Variants in DAGLA observed in about 807,000 individuals in gnomAD.
The protein encoded by DAGLA is diacylglycerol lipase alpha, also known as diacylglycerol lipase-alpha.
In DAGLA, 22 loss-of-function variants were observed where a neutral mutation model predicts 102.6. The ratio of observed to expected loss-of-function variants is 0.21; its 90% CI spans 0.15 to 0.31. DAGLA has a LOEUF of 0.31. DAGLA is among the 10% of genes least tolerant of loss of function. The pLI is 1.00. For missense variants in DAGLA, 927 were observed against 1,446.6 expected (o/e 0.64, Z 5.83); for synonymous variants, 578 against 628.9 (o/e 0.92, Z 1.21).
chr11:61,700,477 C>T (rs1277689405), intron 1 of DAGLA, among the ~76,000 whole-genome samples: 1 of 152,206 alleles, frequency 6.6e-6, no homozygotes, highest in Non-Finnish European at 1.5e-5. Flanking sequence ...CTCCCCAACA[C>T]CTGCCCTCCT....
At chr11:61,721,026 T>C in intron 3 of DAGLA, 136 bp downstream of exon 3, 2 of 801,136 alleles carry the variant, frequency 2.5e-6, no homozygotes, top group African/African-American at 1.7e-5. Flanking sequence ...TAAGGCCTTC[T>C]GTAGCTTACA....
At position 61,744,492 on chromosome 11, in the gene DAGLA, C is replaced by T. The variant is rs369130213; in HGVS notation, c.*3C>T. Reference sequence around the variant, plus strand: ...AGCTGGTCATCTCAGCACGCTAGCACCCCAGTTGCGTGGCCAGCCGGGCCC... The same window carrying T: ...AGCTGGTCATCTCAGCACGCTAGCATCCCAGTTGCGTGGCCAGCCGGGCCC... On this transcript the variant is annotated 3_prime_UTR_variant, in exon 20 of 20. Transcript: ENST00000257215. The T allele has an allele frequency of 4.8e-4, 745 of 1,538,592 alleles. 1 individual carries two copies. Among genetic ancestry groups the T allele is most frequent in the Non-Finnish European group, 5.7e-4 (649 of 1,140,828 alleles).
rs985601621 is a variant in DAGLA, at chr11:61,746,933, A to G, written c.*2444A>G. 1.3e-5 allele frequency: 2 copies of G among 152,518 alleles called. No homozygotes were observed. The highest frequency in any genetic ancestry group is 2.1e-4 in the South Asian group (1 of 4,836). The allele number at this position is 152,518 out of a possible 1,614,324, so 9.4% of individuals were successfully genotyped here. ...GAGACAAATTAATATAGCTTATTCT[A>G]TAAATATATCTGTATATAAAGGTTT... On this transcript the variant is annotated 3_prime_UTR_variant, in exon 20 of 20. Transcript: ENST00000257215.
intron 16 of DAGLA, 64 bp from the exon 17 acceptor site, chr11:61,739,401 G>GC: frequency 1.4e-6 from 2 of 1,410,300 alleles, no homozygotes; most frequent in South Asian, 1.5e-5. Context: ...CGGTCCCCCT[G>GC]CCCCTGCCCC....
intron 1 of DAGLA, among the ~76,000 whole-genome samples, chr11:61,718,356 C>T (rs926051262): frequency 3.3e-5 from 5 of 152,144 alleles, no homozygotes; most frequent in African/African-American, 4.8e-5. Context: ...CTGGCAGCCC[C>T]GACAGCCCCC....
At chr11:61,708,678 C>T (rs2065170266) in intron 1 of DAGLA, among the ~76,000 whole-genome samples, 1 of 152,190 alleles carries the variant, frequency 6.6e-6, no homozygotes, top group Non-Finnish European at 1.5e-5. Context: ...CCACCACGCC[C>T]AGCCTCACAC....
At position 61,734,317 on chromosome 11, in the gene DAGLA, G is replaced by A. The variant is rs1280957800; in HGVS notation, c.975-532G>A. Among the ~76,000 whole-genome samples, 2 of 152,006 alleles carry A rather than the reference G, an allele frequency of 1.3e-5. No homozygotes were observed. Among genetic ancestry groups the A allele is most frequent in the African/African-American group, 4.8e-5 (2 of 41,364 alleles). On this transcript the variant is annotated intron_variant, in intron 9 of 19. Transcript: ENST00000257215. The surrounding 1 kb of genome is among the most constrained non-coding windows in gnomAD (Gnocchi z 4.2). The stretch of plus-strand genomic sequence containing the variant: ...AAGCCAGAGGCCAAGCCACCGAGGG[G>A]CCTTGGGAAGACCTCAGGAGGGTTG...
At chr11:61,691,248 A>T (rs796253239) in intron 1 of DAGLA, among the ~76,000 whole-genome samples, 8 of 152,364 alleles carry the variant, frequency 5.3e-5, no homozygotes, top group African/African-American at 1.9e-4. Context: ...TAATGGTGTA[A>T]TGAACTCCCA....
Position 61,734,317 on chromosome 11 carries a change from G to C in DAGLA, c.975-532G>C, listed in dbSNP as rs1280957800. Among the ~76,000 whole-genome samples the C allele has an allele frequency of 1.3e-5, 2 of 152,006 alleles. No individual in the cohort carries two copies. The highest frequency in any genetic ancestry group is 2.1e-4 in the South Asian group (1 of 4,820). Reference sequence around the variant, plus strand: ...AAGCCAGAGGCCAAGCCACCGAGGGGCCTTGGGAAGACCTCAGGAGGGTTG... The same window carrying C: ...AAGCCAGAGGCCAAGCCACCGAGGGCCCTTGGGAAGACCTCAGGAGGGTTG... On this transcript the variant is annotated intron_variant, in intron 9 of 19. Coordinates refer to ENST00000257215, the MANE Select transcript of DAGLA (RefSeq NM_006133.3). The surrounding 1 kb of genome is among the most constrained non-coding windows in gnomAD (Gnocchi z 4.2).
chr11:61,709,019 A>G (rs1341347129), intron 1 of DAGLA, among the ~76,000 whole-genome samples: 1 of 152,180 alleles, frequency 6.6e-6, no homozygotes, highest in Non-Finnish European at 1.5e-5. Context: ...CTTCTGGGTC[A>G]GTGACTTTTT....
At chr11:61,687,973 A>G (rs1322621044) in intron 1 of DAGLA, among the ~76,000 whole-genome samples, 1 of 152,128 alleles carries the variant, frequency 6.6e-6, no homozygotes, top group Non-Finnish European at 1.5e-5. Context: ...TCACTGTTCA[A>G]AGGTGACACT....
chr11:61,696,964 G>A (rs150156331), intron 1 of DAGLA, among the ~76,000 whole-genome samples: 2,294 of 152,128 alleles, frequency 0.015, 29 homozygotes, highest in Non-Finnish European at 0.024. Flanking sequence ...ATCGCCAAGG[G>A]GAGGGAGGTC....
chr11:61,686,495 A>G lies in DAGLA; in HGVS notation c.-45+5991A>G, dbSNP rs1236344785. 2.0e-5 allele frequency among the ~76,000 whole-genome samples: 3 copies of G among 152,294 alleles called. No homozygotes were observed. The highest frequency in any genetic ancestry group is 3.4e-3 in the Middle Eastern group (1 of 294). On this transcript the variant is annotated intron_variant, in intron 1 of 19. Coordinates refer to ENST00000257215, the MANE Select transcript of DAGLA (RefSeq NM_006133.3). This position sits in a 1 kb window ranked among gnomAD's most constrained non-coding sequence, Gnocchi z 5.2. ...CTGCCTGAGTTCAGCCCAGGAGGTT[A>G]CTATTCTGGGAAGTTTCATCAAAAC... is the stretch of plus-strand genomic sequence containing the variant.
At chr11:61,687,746 C>T (rs1026401840) in intron 1 of DAGLA, among the ~76,000 whole-genome samples, 6 of 152,306 alleles carry the variant, frequency 3.9e-5, no homozygotes, top group African/African-American at 1.4e-4. Flanking sequence ...ACAATCATGG[C>T]GAAATAACAT....
intron 9 of DAGLA, among the ~76,000 whole-genome samples, chr11:61,733,253 T>A (rs916729803): frequency 1.2e-4 from 19 of 152,172 alleles, no homozygotes; most frequent in Non-Finnish European, 2.4e-4. Context: ...AAGGCCACAC[T>A]GTTACAGCCT....
Position 61,744,302 on chromosome 11 carries a change from A to G in DAGLA, c.2942A>G (p.Asp981Gly). The change falls in exon 20 of 20, where the codon GAC becomes GGC. Residue 981 changes from aspartate to glycine, a missense_variant. Physicochemically the swap from Asp to Gly is moderately conservative, Grantham distance 94 (BLOSUM62 -1). Coordinates refer to ENST00000257215, the MANE Select transcript of DAGLA (RefSeq NM_006133.3). ...KPPRLFAGSA[D>G]PSSGISLSPS... ...CCACGGCTCTTTGCCGGCTCAGCCGACCCCTCCTCGGGCATCTCACTCTCG... is the reference window on the plus strand; with the variant it reads ...CCACGGCTCTTTGCCGGCTCAGCCGGCCCCTCCTCGGGCATCTCACTCTCG... 5.6e-6 allele frequency: 9 copies of G among 1,612,024 alleles called. No homozygotes were observed. Among genetic ancestry groups the G allele is most frequent in the Non-Finnish European group, 7.6e-6 (9 of 1,179,592 alleles).
At position 61,722,846 on chromosome 11, in the gene DAGLA, GC is replaced by G; in HGVS notation, c.308-12del. On this transcript the variant is annotated splice_polypyrimidine_tract_variant and intron_variant, in intron 3 of 19. Transcript: ENST00000257215. ...TGGCAGCCATCCTTCAGCCAGGCCTGCTCTCCTTGCAGCCATCCTGGTGATC... is the reference window on the plus strand; with the variant it reads ...TGGCAGCCATCCTTCAGCCAGGCCTGTCTCCTTGCAGCCATCCTGGTGATC... 1.2e-6 allele frequency: 2 copies of G among 1,612,008 alleles called. No individual in the cohort carries two copies. The highest frequency in any genetic ancestry group is 1.7e-6 in the Non-Finnish European group (2 of 1,178,180).
chr11:61,715,635 G>T (rs1361963712), intron 1 of DAGLA, among the ~76,000 whole-genome samples: 1 of 152,202 alleles, frequency 6.6e-6, no homozygotes, highest in Non-Finnish European at 1.5e-5. Flanking sequence ...CTCATGGTGG[G>T]GGCAGGCTCC....
At chr11:61,742,818 C>T (rs942470598) in intron 19 of DAGLA, among the ~76,000 whole-genome samples, 1 of 150,246 alleles carries the variant, frequency 6.7e-6, no homozygotes, top group Admixed American at 6.6e-5. Flanking sequence ...TTCCCTCCCT[C>T]TGTCTCTCTC....
Sources: gnomAD v4.1 joint callset for allele counts (sites outside exome capture counted in the v4.1 genomes callset) on GRCh38, gnomAD v4.1.1 for gene constraint, Gnocchi (gnomAD v3.1) non-coding constraint, MANE v1.5 for transcripts, NCBI Gene and HGNC (gene_info 2026-07-23, HGNC 2026-07-21) for gene names.